Variants in ARHGAP27 observed in about 807,000 individuals in gnomAD.
ARHGAP27 encodes the protein rho GTPase-activating protein 27.
A neutral mutation model predicts 102.0 loss-of-function variants in ARHGAP27; 53 were observed. The ratio of observed to expected loss-of-function variants is 0.52; its 90% CI spans 0.42 to 0.65. The LOEUF is 0.65. Among genes scored for constraint, ARHGAP27 ranks in the 30% least tolerant of loss-of-function variants. ARHGAP27 has a pLI of 0.00. For missense variants in ARHGAP27, 1,117 were observed against 1,256.2 expected, an observed-to-expected ratio of 0.89 and a Z score of 1.68; for synonymous variants, 525 against 542.8, an observed-to-expected ratio of 0.97 and a Z score of 0.46.
Position 45,396,944 on chromosome 17 carries a change from C to T in ARHGAP27, c.1923G>A (p.Glu641=). The T allele has an allele frequency of 6.2e-7, 1 of 1,606,158 alleles. No homozygotes were observed. Among genetic ancestry groups the T allele is most frequent in the Non-Finnish European group, 8.5e-7 (1 of 1,179,972 alleles). ...GSSERLGSWQ[E]KEEDARPNAA... ...CATTCGGTCGCGCGTCCTCCTCTTT[C>T]TCCTGCCAGCTTCCCAAGCGCTCGC... The change falls in exon 14 of 20, where the codon GAG becomes GAA. Residue 641 remains glutamate, a synonymous_variant. Coordinates refer to ENST00000685559, the MANE Select transcript of ARHGAP27 (RefSeq NM_001282290.2).
At chr17:45,404,121 C>T (rs769315464) in intron 9 of ARHGAP27, 25 bp from the exon 10 acceptor site, 16 of 1,613,602 alleles carry the variant, frequency 9.9e-6, no homozygotes, top group African/African-American at 4.0e-5. Flanking sequence ...AGAGAGCAGG[C>T]GCAAGAGTGT....
intron 1 of ARHGAP27, 48 bp downstream of exon 1, chr17:45,432,704 C>T (rs2145127993): frequency 6.7e-6 from 1 of 149,616 alleles, no homozygotes; most frequent in East Asian, 2.0e-4. Flanking sequence ...ACTTCCCACC[C>T]CCAACCCCCG....
chr17:45,397,234 G>A (rs1377076954), intron 13 of ARHGAP27: 60 of 1,423,124 alleles, frequency 4.2e-5, no homozygotes, highest in Non-Finnish European at 5.1e-5. Context: ...GAGCCCTTAA[G>A]GTGCAGAGAC....
At chr17:45,418,357 C>T (rs2048690302) in intron 4 of ARHGAP27, among the ~76,000 whole-genome samples, 1 of 151,350 alleles carries the variant, frequency 6.6e-6, no homozygotes, top group Non-Finnish European at 1.5e-5. Context: ...GTGGTCTCAG[C>T]TATTTGGGAG....
rs1413000836 is a variant in ARHGAP27 at position 45,404,459 on chromosome 17, G to A, written c.1399C>T (p.Pro467Ser). The A allele has an allele frequency of 4.3e-6, 7 of 1,614,026 alleles. No homozygotes were observed. The highest frequency in any genetic ancestry group is 5.9e-6 in the Non-Finnish European group (7 of 1,179,962). ...QDGDTPAQASPPEEKVPAELD... is the reference protein window; with the variant it reads ...QDGDTPAQASSPEEKVPAELD... ...TCCTCCCCTACCTTCTCCTCTGGAG[G>A]GCTGGCCTGGGCTGGGGTGTCACCA... Residue 467 changes from proline (P) to serine (S), a missense_variant, in exon 8 of 20, where the codon CCT (proline) becomes TCT (serine). Around this residue, in one of 3 missense-constraint regions of ARHGAP27, gnomAD observed 610 missense variants for 716.4 expected, o/e 0.85. Transcript: ENST00000685559.
chr17:45,410,477 G>A (rs2093520027), intron 4 of ARHGAP27: 1 of 1,286,688 alleles, frequency 7.8e-7, no homozygotes, highest in Non-Finnish European at 1.0e-6. Context: ...CGGGTGGGGT[G>A]GAGGGGCCTC....
At chr17:45,399,226 C>A (rs776113784) in intron 12 of ARHGAP27, among the ~76,000 whole-genome samples, 142 of 152,326 alleles carry the variant, frequency 9.3e-4, no homozygotes, top group Non-Finnish European at 1.4e-3. Context: ...CAGGACACAA[C>A]TTCTAGAATT....
At chr17:45,396,894 C>A (rs1483751804) in intron 14 of ARHGAP27, 22 bp downstream of exon 14, 3 of 1,607,206 alleles carry the variant, frequency 1.9e-6, no homozygotes, top group African/African-American at 1.3e-5. Context: ...GGAGCCCCCA[C>A]CCCATCCTGC....
rs1235828274 is a variant in ARHGAP27 at position 45,405,673 on chromosome 17, C to T, written c.1065+3G>A. Reference sequence around the variant, plus strand: ...AACCGCCCACTCTGGCCCTGCCCCTCACCCGCGGGTCCCCTGGGCTGCCAG... The same window carrying T: ...AACCGCCCACTCTGGCCCTGCCCCTTACCCGCGGGTCCCCTGGGCTGCCAG... On this transcript the variant is annotated splice_donor_region_variant and intron_variant, in intron 5 of 19. Coordinates refer to ENST00000685559, the MANE Select transcript of ARHGAP27 (RefSeq NM_001282290.2). The T allele has an allele frequency of 1.9e-6, 3 of 1,583,078 alleles. No individual in the cohort carries two copies. The highest frequency in any genetic ancestry group is 2.6e-6 in the Non-Finnish European group (3 of 1,168,470).
At chr17:45,408,203 G>T (rs1910796041) in intron 4 of ARHGAP27, 1 of 151,908 alleles carries the variant, frequency 6.6e-6, no homozygotes, top group Admixed American at 6.6e-5. Context: ...AGAAGGAAAA[G>T]AAGAACATTT....
In ARHGAP27 at chr17:45,430,077, G is replaced by C; in HGVS notation, c.203C>G (p.Pro68Arg). 1 of 1,383,466 alleles carries C rather than the reference G, an allele frequency of 7.2e-7. No homozygotes were observed. The highest frequency in any genetic ancestry group is 9.3e-7 in the Non-Finnish European group (1 of 1,077,138). The allele number at this position is 1,383,466 out of a possible 1,614,324, so 85.7% of individuals were successfully genotyped here. Reference sequence around the variant, plus strand: ...GGCGGCGGCAGGGTTGCCCAGCGCGGGCAGCTCGCGCACGTACTGCGCAGG... The same window carrying C: ...GGCGGCGGCAGGGTTGCCCAGCGCGCGCAGCTCGCGCACGTACTGCGCAGG... ...YLPAQYVREL[P>R]ALGNPAAAAP... The change falls in exon 4 of 20, where the codon CCC (proline) becomes CGC (arginine). Residue 68 changes from proline (P) to arginine (R), a missense_variant. By Grantham distance (103) the Pro-to-Arg change is moderately radical. This residue lies in a region of ARHGAP27 where 610 missense variants were observed against 716.4 expected (regional missense o/e 0.85). Transcript: ENST00000685559. The surrounding 1 kb of genome is among the most constrained non-coding windows in gnomAD (Gnocchi z 4.4).
intron 5 of ARHGAP27, 145 bp from the exon 6 acceptor site, chr17:45,405,251 G>A: frequency 1.1e-6 from 1 of 882,704 alleles, no homozygotes; most frequent in Non-Finnish European, 1.7e-6. Context: ...CTCAGAGGTA[G>A]CTCCGCACCT....
chr17:45,395,952 C>T (rs1326376148), intron 18 of ARHGAP27, 31 bp downstream of exon 18: 4 of 1,593,600 alleles, frequency 2.5e-6, no homozygotes, highest in East Asian at 2.3e-5. Context: ...ACGCCCCTAC[C>T]CCATCCGCCC....
Position 45,396,070 on chromosome 17 carries a change from T to G in ARHGAP27, c.2299A>C (p.Ile767Leu). ...DDGRWEDVHVITGALKLFFRE... is the reference protein window; with the variant it reads ...DDGRWEDVHVLTGALKLFFRE... Reference sequence around the variant, plus strand: ...AAGAAGAGCTTCAGGGCTCCGGTGATAACGTGGACGTCCTCCCAGCGCCCG... The same window carrying G: ...AAGAAGAGCTTCAGGGCTCCGGTGAGAACGTGGACGTCCTCCCAGCGCCCG... Residue 767 changes from isoleucine (I) to leucine (L), a missense_variant, in exon 18 of 20, where the codon ATC becomes CTC. Physicochemically the swap from Ile to Leu is conservative, Grantham distance 5. Coordinates refer to ENST00000685559, the MANE Select transcript of ARHGAP27 (RefSeq NM_001282290.2). The G allele has an allele frequency of 6.2e-7, 1 of 1,613,866 alleles. No homozygotes were observed. The highest frequency in any genetic ancestry group is 8.5e-7 in the Non-Finnish European group (1 of 1,179,882).
At chr17:45,415,400 A>T (rs1360758558) in intron 4 of ARHGAP27, among the ~76,000 whole-genome samples, 15 of 151,924 alleles carry the variant, frequency 9.9e-5, no homozygotes, top group Admixed American at 6.6e-5. Flanking sequence ...TTGGTGTCTC[A>T]CCTGGCTTCT....
intron 12 of ARHGAP27, among the ~76,000 whole-genome samples, chr17:45,401,163 G>A (rs2046396211): frequency 6.6e-6 from 1 of 151,998 alleles, no homozygotes; most frequent in Non-Finnish European, 1.5e-5. Flanking sequence ...GCAACATAGT[G>A]AGCCCCCATC....
intron 10 of ARHGAP27, 65 bp downstream of exon 10, chr17:45,403,964 A>G: frequency 1.3e-6 from 2 of 1,542,672 alleles, no homozygotes; most frequent in African/African-American, 2.7e-5. Flanking sequence ...GCATACAGGA[A>G]GTGCTCAGTG....
chr17:45,412,814 G>A (rs1249504778), intron 4 of ARHGAP27, among the ~76,000 whole-genome samples: 1 of 152,124 alleles, frequency 6.6e-6, no homozygotes, highest in Non-Finnish European at 1.5e-5. Flanking sequence ...TCAGGCCTCA[G>A]TAGGCTTTGG....
chr17:45,396,283 C>G lies in ARHGAP27; in HGVS notation c.2175G>C (p.Gly725=). Residue 725 remains glycine, a splice_region_variant and synonymous_variant, in exon 17 of 20, where the codon GGG becomes GGC. Coordinates refer to ENST00000685559, the MANE Select transcript of ARHGAP27 (RefSeq NM_001282290.2). ...QQCIRAVEAR[G]LDIDGLYRIS... Reference sequence around the variant, plus strand: ...TGCGGTACAGCCCGTCGATGTCCAGCCCTGGGCCAGAGGGAGGCGCTGATC... The same window carrying G: ...TGCGGTACAGCCCGTCGATGTCCAGGCCTGGGCCAGAGGGAGGCGCTGATC... The G allele has an allele frequency of 6.2e-7, 1 of 1,610,870 alleles. No homozygotes were observed. Among genetic ancestry groups the G allele is most frequent in the Non-Finnish European group, 8.5e-7 (1 of 1,178,734 alleles).
Sources: allele counts gnomAD v4.1 joint callset (sites outside exome capture counted in the v4.1 genomes callset), GRCh38; gene constraint gnomAD v4.1.1; regional missense constraint gnomAD v4.1.1; non-coding constraint Gnocchi (gnomAD v3.1); transcripts MANE v1.5; gene names NCBI Gene and HGNC (gene_info 2026-07-23, HGNC 2026-07-21).